Variants in SLC8A2 observed in about 807,000 individuals in gnomAD.
The protein encoded by SLC8A2 is sodium/calcium exchanger 2.
A neutral mutation model predicts 70.2 loss-of-function variants in SLC8A2; 14 were observed. The observed-to-expected ratio is 0.20, with a 90% CI of 0.13 to 0.31. SLC8A2 has a LOEUF of 0.31. Among genes scored for constraint, SLC8A2 ranks in the 10% least tolerant of loss-of-function variants. The pLI is 1.00. For missense variants in SLC8A2, 779 were observed against 1,320.1 expected, an observed-to-expected ratio of 0.59 and a Z score of 6.35; for synonymous variants, 575 against 594.3, an observed-to-expected ratio of 0.97 and a Z score of 0.47.
At chr19:47,450,157 A>C (rs150153718) in intron 3 of SLC8A2, among the ~76,000 whole-genome samples, 2 of 152,080 alleles carry the variant, frequency 1.3e-5, no homozygotes, top group African/African-American at 4.8e-5. Flanking sequence ...CCTACTGTGC[A>C]TGTAAGGGGC....
Position 47,466,625 on chromosome 19 carries a change from C to A in SLC8A2, c.-16-206G>T, listed in dbSNP as rs1418303560. Among the ~76,000 whole-genome samples, 1 of 152,044 alleles carries A rather than the reference C, an allele frequency of 6.6e-6. No homozygotes were observed. The highest frequency in any genetic ancestry group is 2.4e-5 in the African/African-American group (1 of 41,390). On this transcript the variant is annotated intron_variant, in intron 1 of 9. Coordinates refer to ENST00000236877, the MANE Select transcript of SLC8A2 (RefSeq NM_015063.3). The surrounding 1 kb of genome is among the most constrained non-coding windows in gnomAD (Gnocchi z 6.9). ...AGACTGAAAGATAAGGACAGAGGAA[C>A]CCCCATGCACTGCTGGTGGGAATGC...
At chr19:47,442,545 AG>A (rs1967112326) in intron 4 of SLC8A2, among the ~76,000 whole-genome samples, 1 of 152,100 alleles carries the variant, frequency 6.6e-6, no homozygotes, top group Non-Finnish European at 1.5e-5. Flanking sequence ...CTCTTCCCCC[AG>A]GCTCCCTTCC....
At chr19:47,431,673 AAAAAAAACAAAAC>A (rs1227332237) in intron 9 of SLC8A2, among the ~76,000 whole-genome samples, 5 of 141,608 alleles carry the variant, frequency 3.5e-5, no homozygotes, top group African/African-American at 4.9e-5. Flanking sequence ...AAAAAAAAAA[AAAAAAAACAAAAC>A]CCAAAAAAAC....
chr19:47,454,314 T>C (rs552673926), intron 3 of SLC8A2, among the ~76,000 whole-genome samples: 58 of 152,094 alleles, frequency 3.8e-4, no homozygotes, highest in Middle Eastern at 3.4e-3. Context: ...GAAAAGATAG[T>C]TGAAAGCAGG....
At chr19:47,436,602 C>T (rs1967031746) in intron 8 of SLC8A2, among the ~76,000 whole-genome samples, 1 of 152,254 alleles carries the variant, frequency 6.6e-6, no homozygotes, top group East Asian at 1.9e-4. Flanking sequence ...GCCTTCAGTC[C>T]CCAAGAGCTG....
intron 1 of SLC8A2, among the ~76,000 whole-genome samples, chr19:47,467,414 G>C (rs1168782933): frequency 6.6e-6 from 1 of 152,154 alleles, no homozygotes; most frequent in Admixed American, 6.5e-5. Flanking sequence ...GGCCGTGTTT[G>C]TCTGTTTCAA....
In SLC8A2 at chr19:47,429,869, AGGGGAGGAACC is replaced by A; in HGVS notation, c.*209_*219del. ...GATGGGCTGGAGTTGGGGTCACCGC[AGGGGAGGAACC>A]GGGGAGGCTCCCGAGAGGAAGAGGG... On this transcript the variant is annotated 3_prime_UTR_variant, in exon 10 of 10. Transcript: ENST00000236877. The A allele has an allele frequency of 3.4e-6, 2 of 594,582 alleles. No homozygotes were observed. The highest frequency in any genetic ancestry group is 5.9e-6 in the Non-Finnish European group (2 of 337,458). 36.8% of individuals were successfully genotyped at this position (594,582 alleles called of 1,614,324 possible).
At position 47,465,758 on chromosome 19, in the gene SLC8A2, G is replaced by C; in HGVS notation, c.646C>G (p.Leu216Val). Residue 216 changes from leucine to valine, a missense_variant, in exon 2 of 10, where the codon CTT becomes GTT. Leu to Val is a conservative substitution (Grantham distance 32). Transcript: ENST00000236877. This position sits in a 1 kb window ranked among gnomAD's most constrained non-coding sequence, Gnocchi z 5.5. ...ACCACACCGGGGGAAAAAACAGCAA[G>C]GATGAGATAAAGCCAGACATAGGCG... ...IFAYVWLYLI[L>V]AVFSPGVVQV... 1 of 1,612,946 alleles carries C rather than the reference G, an allele frequency of 6.2e-7. No individual in the cohort carries two copies. The highest frequency in any genetic ancestry group is 1.1e-5 in the South Asian group (1 of 90,944).
chr19:47,460,233 C>T (rs1967377189), intron 2 of SLC8A2, among the ~76,000 whole-genome samples: 1 of 152,184 alleles, frequency 6.6e-6, no homozygotes, highest in Admixed American at 6.5e-5. Context: ...AAACCAGTTC[C>T]CATGCACAGC....
chr19:47,466,066 T>C lies in SLC8A2; in HGVS notation c.338A>G (p.Asn113Ser). ...KEKEITITKA[N>S]GETSVGTVRI... ...AACGGTGCCCACGCTGGTCTCACCGTTGGCCTTGGTGATGGTGATCTCCTT... is the reference window on the plus strand; with the variant it reads ...AACGGTGCCCACGCTGGTCTCACCGCTGGCCTTGGTGATGGTGATCTCCTT... Residue 113 changes from asparagine to serine, a missense_variant, in exon 2 of 10, where the codon AAC (asparagine) becomes AGC (serine). Asn to Ser is a conservative substitution (Grantham distance 46, BLOSUM62 1). This residue lies in a region of SLC8A2 where 155 missense variants were observed against 318.6 expected (regional missense o/e 0.49). Transcript: ENST00000236877. The surrounding 1 kb of genome is among the most constrained non-coding windows in gnomAD (Gnocchi z 6.9). The C allele has an allele frequency of 6.2e-7, 1 of 1,614,230 alleles. No individual in the cohort carries two copies. The highest frequency in any genetic ancestry group is 1.1e-5 in the South Asian group (1 of 91,090).
chr19:47,446,962 C>T (rs945661194), intron 4 of SLC8A2, among the ~76,000 whole-genome samples: 5 of 152,074 alleles, frequency 3.3e-5, no homozygotes, highest in African/African-American at 1.2e-4. Context: ...ACCCCATTTT[C>T]CTAAATCCCA....
intron 1 of SLC8A2, among the ~76,000 whole-genome samples, chr19:47,471,076 A>G (rs1407682348): frequency 6.6e-6 from 1 of 150,478 alleles, no homozygotes; most frequent in Non-Finnish European, 1.5e-5. Flanking sequence ...GAGAGAGAGA[A>G]ACAGAGACTG....
At position 47,456,903 on chromosome 19, in the gene SLC8A2, GCACACCCCC is replaced by G. The variant is rs1297012686; in HGVS notation, c.1340+18_1340+26del. The stretch of plus-strand genomic sequence containing the variant: ...GACCCACGGCCTGCGCCAGCCCCCT[GCACACCCCC>G]CACCCCGGGGGACCCACCTGTACTC... On this transcript the variant is annotated intron_variant, in intron 3 of 9. Transcript: ENST00000236877. The G allele has an allele frequency of 6.4e-7, 1 of 1,558,054 alleles. No homozygotes were observed. The highest frequency in any genetic ancestry group is 8.7e-7 in the Non-Finnish European group (1 of 1,155,246).
At chr19:47,441,517 C>A in intron 4 of SLC8A2, 77 bp from the exon 5 acceptor site, 3 of 797,972 alleles carry the variant, frequency 3.8e-6, no homozygotes, top group South Asian at 1.6e-5. Context: ...ACCCTCCTGG[C>A]AGCCACCCAG....
chr19:47,457,423 C>T lies in SLC8A2; in HGVS notation c.847G>A (p.Asp283Asn). 2 of 1,596,676 alleles carry T rather than the reference C, an allele frequency of 1.3e-6. No homozygotes were observed. The highest frequency in any genetic ancestry group is 4.6e-5 in the East Asian group (2 of 43,748). The change falls in exon 3 of 10, where the codon GAC (aspartate) becomes AAC (asparagine). Residue 283 changes from aspartate to asparagine, a missense_variant. Transcript: ENST00000236877. ...EGDPPKSIEL[D>N]GTFVGAEAPG... ...GCCTCGGCGCCCACGAACGTGCCGTCCAGCTCGATGCTCTTCGGGGGGTCG... is the reference window on the plus strand; with the variant it reads ...GCCTCGGCGCCCACGAACGTGCCGTTCAGCTCGATGCTCTTCGGGGGGTCG...
Position 47,466,381 on chromosome 19 carries a change from C to A in SLC8A2, c.23G>T (p.Gly8Val). 7.0e-7 allele frequency: 1 copy of A among 1,431,186 alleles called. No individual in the cohort carries two copies. Among genetic ancestry groups the A allele is most frequent in the Non-Finnish European group, 9.1e-7 (1 of 1,093,308 alleles). The allele number at this position is 1,431,186 out of a possible 1,614,324, so 88.7% of individuals were successfully genotyped here. MAPLALV[G>V]VTLLLAAPPC... is the part of the protein sequence containing the mutation. ...GGGAGCCGCCAGGAGGAGTGTGACC[C>A]CCACCAAGGCCAGGGGAGCCATGGG... Residue 8 changes from glycine to valine, a missense_variant, in exon 2 of 10, where the codon GGG becomes GTG. This residue lies in a region of SLC8A2 where 65 missense variants were observed against 61.3 expected (regional missense o/e 1.06). Coordinates refer to ENST00000236877, the MANE Select transcript of SLC8A2 (RefSeq NM_015063.3). This position sits in a 1 kb window ranked among gnomAD's most constrained non-coding sequence, Gnocchi z 6.9.
At position 47,437,886 on chromosome 19, in the gene SLC8A2, C is replaced by T. The variant is rs750186208; in HGVS notation, c.1973G>A (p.Arg658Gln). Residue 658 changes from arginine to glutamine, a missense_variant, in exon 7 of 10, where the codon CGG (arginine) becomes CAG (glutamine). By Grantham distance (43) the Arg-to-Gln change is conservative. This residue lies in a region of SLC8A2 where 247 missense variants were observed against 362.8 expected (regional missense o/e 0.68). Transcript: ENST00000236877. ...MGKPVLGENCRLEVIIEESYD... is the reference protein window; with the variant it reads ...MGKPVLGENCQLEVIIEESYD... ...TGACTCCTCGATGATGACCTCCAGC[C>T]GGCAGTTCTCCCCAAGAACTGGCTT... The T allele has an allele frequency of 8.1e-6, 13 of 1,613,956 alleles. No homozygotes were observed. The highest frequency in any genetic ancestry group is 5.9e-6 in the Non-Finnish European group (7 of 1,179,998).
intron 4 of SLC8A2, among the ~76,000 whole-genome samples, chr19:47,444,227 C>G (rs986784106): frequency 1.3e-5 from 2 of 152,050 alleles, no homozygotes; most frequent in Admixed American, 1.3e-4. Flanking sequence ...CTCTCCCTGT[C>G]TCTGTCTTTC....
At chr19:47,452,369 C>T (rs1967245480) in intron 3 of SLC8A2, among the ~76,000 whole-genome samples, 1 of 141,124 alleles carries the variant, frequency 7.1e-6, no homozygotes, top group East Asian at 2.1e-4. Flanking sequence ...CACATGTTAC[C>T]ATGCCCAGCT....
Sources: allele counts gnomAD v4.1 joint callset (sites outside exome capture counted in the v4.1 genomes callset), GRCh38; gene constraint gnomAD v4.1.1; regional missense constraint gnomAD v4.1.1; non-coding constraint Gnocchi (gnomAD v3.1); transcripts MANE v1.5; gene names NCBI Gene and HGNC (gene_info 2026-07-23, HGNC 2026-07-21).